The following FRMD3 variants were observed in gnomAD, a reference collection of about 807,000 sequenced individuals.
The protein encoded by FRMD3 is FERM domain containing 3, also known as FERM domain-containing protein 3.
A neutral mutation model predicts 70.2 loss-of-function variants in FRMD3; 33 were observed. The ratio of observed to expected loss-of-function variants is 0.47; its 90% CI spans 0.36 to 0.63. The LOEUF (loss-of-function observed/expected upper bound fraction) is 0.63, where lower values mean the gene tolerates loss of function less well. Ranked by LOEUF, FRMD3 falls within the 20% of genes least tolerant of loss-of-function variation. FRMD3 has a pLI of 0.00. For missense variants in FRMD3, 632 were observed against 711.4 expected (o/e 0.89, Z 1.27); for synonymous variants, 279 against 255.9 (o/e 1.09, Z -0.86).
At chr9:83,373,723 T>A (rs571275380) in intron 2 of FRMD3, among the ~76,000 whole-genome samples, 1 of 152,222 alleles carries the variant, frequency 6.6e-6, no homozygotes, top group East Asian at 1.9e-4. Flanking sequence ...TCAGGGAATG[T>A]CACTTAGAGT....
chr9:83,518,744 C>T (rs1178544377), intron 1 of FRMD3, among the ~76,000 whole-genome samples: 1 of 151,948 alleles, frequency 6.6e-6, no homozygotes, highest in Admixed American at 6.6e-5. Flanking sequence ...TCAAACTATA[C>T]TACCAGCCTA....
the FRMD3 span, among the ~76,000 whole-genome samples, chr9:83,555,371 T>A: frequency 3.3e-5 from 5 of 151,864 alleles, no homozygotes; most frequent in Admixed American, 2.0e-4. Context: ...GGGAATGGGA[T>A]CAGGCACCCA....
chr9:83,504,929 T>C (rs187327869), intron 1 of FRMD3, among the ~76,000 whole-genome samples: 1 of 152,302 alleles, frequency 6.6e-6, no homozygotes, highest in African/African-American at 2.4e-5. Context: ...TTCTGGGAGA[T>C]GTTGGGTCCT....
chr9:83,424,262 C>T (rs911656752), intron 1 of FRMD3, among the ~76,000 whole-genome samples: 2 of 152,182 alleles, frequency 1.3e-5, no homozygotes, highest in African/African-American at 4.8e-5. Context: ...GCACCTTGTA[C>T]ATTCAAATTG....
chr9:83,505,715 A>T (rs1298298389), intron 1 of FRMD3, among the ~76,000 whole-genome samples: 4 of 152,236 alleles, frequency 2.6e-5, no homozygotes, highest in African/African-American at 7.2e-5. Context: ...TCACAAGCAC[A>T]GTTTTCCCTT....
intron 13 of FRMD3, among the ~76,000 whole-genome samples, chr9:83,278,539 A>G (rs538215564): frequency 5.3e-5 from 8 of 152,240 alleles, no homozygotes; most frequent in African/African-American, 1.2e-4. Flanking sequence ...TGACAATTCA[A>G]TATCTTATGA....
chr9:83,517,046 T>A (rs1196429726), intron 1 of FRMD3, among the ~76,000 whole-genome samples: 1 of 151,776 alleles, frequency 6.6e-6, no homozygotes, highest in African/African-American at 2.4e-5. Flanking sequence ...CACCCTAACA[T>A]CACAATTAAA....
intron 2 of FRMD3, among the ~76,000 whole-genome samples, chr9:83,377,254 AGC>A (rs1825178838): frequency 6.6e-6 from 1 of 152,236 alleles, no homozygotes; most frequent in Non-Finnish European, 1.5e-5. Flanking sequence ...TATATATGTA[AGC>A]ATCTAAATAT....
intron 3 of FRMD3, among the ~76,000 whole-genome samples, chr9:83,355,630 T>A (rs1456107533): frequency 1.3e-5 from 2 of 152,168 alleles, no homozygotes. Context: ...TTTGGGTGGA[T>A]CCAAATGGCT....
upstream of FRMD3, among the ~76,000 whole-genome samples, chr9:83,541,267 T>C (rs554021291): frequency 1.5e-4 from 23 of 152,338 alleles, no homozygotes; most frequent in African/African-American, 4.8e-4. Context: ...CTAATTTACA[T>C]TGAAGAGTAT....
At chr9:83,422,030 G>A (rs1826658316) in intron 1 of FRMD3, among the ~76,000 whole-genome samples, 1 of 152,140 alleles carries the variant, frequency 6.6e-6, no homozygotes, top group Non-Finnish European at 1.5e-5. Flanking sequence ...TTCAAGACCA[G>A]CCTGGCCAAC....
At chr9:83,545,712 A>G in the FRMD3 span, among the ~76,000 whole-genome samples, 2 of 152,182 alleles carry the variant, frequency 1.3e-5, no homozygotes, top group African/African-American at 4.8e-5. Context: ...ATTATAAACC[A>G]TCCAGACCTG....
At chr9:83,575,438 G>A in the FRMD3 span, among the ~76,000 whole-genome samples, 1 of 152,148 alleles carries the variant, frequency 6.6e-6, no homozygotes, top group African/African-American at 2.4e-5. Context: ...ACTGGCCCAT[G>A]TGACTGGAGG....
chr9:83,282,462 T>G (rs912374726), intron 13 of FRMD3, among the ~76,000 whole-genome samples: 1 of 151,896 alleles, frequency 6.6e-6, no homozygotes, highest in Non-Finnish European at 1.5e-5. Context: ...TCCCTTTAAC[T>G]CTCAAAAGCT....
the FRMD3 span, among the ~76,000 whole-genome samples, chr9:83,564,073 C>T: frequency 0.015 from 2,262 of 152,230 alleles, 41 homozygotes; most frequent in Admixed American, 0.03. Context: ...AGATTTCAAC[C>T]CCATCTTCTC....
chr9:83,244,100 C>T (rs1831970111), downstream of FRMD3, among the ~76,000 whole-genome samples: 1 of 151,334 alleles, frequency 6.6e-6, no homozygotes, highest in Admixed American at 6.6e-5. Flanking sequence ...TGCACTCCAG[C>T]CTGGGCAACA....
chr9:83,447,319 G>A (rs10868010), intron 1 of FRMD3, among the ~76,000 whole-genome samples: 41,738 of 152,128 alleles, frequency 0.27, 6,904 homozygotes, highest in East Asian at 0.49. Flanking sequence ...CACCGCGCCC[G>A]GCCAGATCAG....
the FRMD3 span, among the ~76,000 whole-genome samples, chr9:83,573,215 C>CA: frequency 2.7e-5 from 4 of 148,858 alleles, no homozygotes; most frequent in Non-Finnish European, 5.9e-5. Context: ...CCAAGAGCAC[C>CA]AAAAAAAAGG....
At chr9:83,372,465 GAAAATAATGATACAGTCTTCAGC>G (rs1400500397) in intron 3 of FRMD3, among the ~76,000 whole-genome samples, 2 of 151,980 alleles carry the variant, frequency 1.3e-5, no homozygotes, top group Admixed American at 6.6e-5. Flanking sequence ...TCAAGGAATG[GAAAATAATGATACAGTCTTCAGC>G]AAAGTCATTG....
Sources: allele counts gnomAD v4.1 joint callset (sites outside exome capture counted in the v4.1 genomes callset), GRCh38; gene constraint gnomAD v4.1.1; transcripts MANE v1.5; gene names NCBI Gene and HGNC (gene_info 2026-07-23, HGNC 2026-07-21).